The following GABRG1 variants were observed in gnomAD, a reference collection of about 807,000 sequenced individuals.
GABRG1 encodes gamma-aminobutyric acid type A receptor subunit gamma1, also known as gamma-aminobutyric acid receptor subunit gamma-1.
GABRG1 carries 49 observed loss-of-function variants against 49.8 expected under a neutral mutation model. The ratio of observed to expected loss-of-function variants is 0.98; its 90% CI spans 0.78 to 1.25. GABRG1 has a LOEUF of 1.25. Among genes scored for constraint, GABRG1 ranks in the 50% most tolerant of loss-of-function variants. GABRG1 has a pLI of 0.00. For missense variants in GABRG1, 552 were observed against 552.3 expected (o/e 1.00, Z 0.01); for synonymous variants, 232 against 185.1 (o/e 1.25, Z -2.06).
intron 3 of GABRG1, among the ~76,000 whole-genome samples, chr4:46,074,137 G>A (rs1409265140): frequency 6.6e-6 from 1 of 152,154 alleles, no homozygotes; most frequent in Admixed American, 6.6e-5. Context: ...TGCAACATTT[G>A]TTATAGATTG....
chr4:46,041,753 T>C (rs1017287138), intron 8 of GABRG1, among the ~76,000 whole-genome samples: 5 of 151,960 alleles, frequency 3.3e-5, no homozygotes, highest in Admixed American at 3.3e-4. Context: ...AGGCACCATA[T>C]TTGGGAAAGA....
chr4:46,040,501 C>T lies in GABRG1; in HGVS notation c.*487G>A, dbSNP rs183017448. ...GGAAGAAAATCCAAGAAAACTATGGCTTTATGTTATCAACTAACTGTATTT... is the reference window on the plus strand; with the variant it reads ...GGAAGAAAATCCAAGAAAACTATGGTTTTATGTTATCAACTAACTGTATTT... On this transcript the variant is annotated 3_prime_UTR_variant, in exon 9 of 9. Coordinates refer to ENST00000295452, the MANE Select transcript of GABRG1 (RefSeq NM_173536.4). 5.7e-4 allele frequency: 87 copies of T among 152,478 alleles called. No individual in the cohort carries two copies. Among genetic ancestry groups the T allele is most frequent in the South Asian group, 1.0e-3 (5 of 4,830 alleles). The allele number at this position is 152,478 out of a possible 1,614,324, so 9.4% of individuals were successfully genotyped here.
rs1250139452 is a variant in GABRG1, at chr4:46,106,626, T to G, written c.105-9277A>C. Among the ~76,000 whole-genome samples the G allele has an allele frequency of 2.6e-5, 4 of 151,460 alleles. No individual in the cohort carries two copies. The East Asian group carries it at 7.8e-4, about 30-fold the overall frequency. ...AATGCTTGGTTCTACTCTGCTCAACTGAATTAAGCTCAGGATGGATAATAT... is the reference window on the plus strand; with the variant it reads ...AATGCTTGGTTCTACTCTGCTCAACGGAATTAAGCTCAGGATGGATAATAT... On this transcript the variant is annotated intron_variant, in intron 1 of 8. Coordinates refer to ENST00000295452, the MANE Select transcript of GABRG1 (RefSeq NM_173536.4).
At chr4:46,071,482 T>C (rs1321697014) in intron 3 of GABRG1, among the ~76,000 whole-genome samples, 1 of 150,186 alleles carries the variant, frequency 6.7e-6, no homozygotes, top group African/African-American at 2.4e-5. Context: ...TATTTATGTA[T>C]TTGTATACAA....
intron 3 of GABRG1, among the ~76,000 whole-genome samples, chr4:46,080,159 C>T (rs1719511006): frequency 6.6e-6 from 1 of 151,632 alleles, no homozygotes; most frequent in Admixed American, 6.6e-5. Context: ...TAAAAAGAAA[C>T]ACCCATTTTG....
At chr4:46,089,813 A>C (rs1202618720) in intron 2 of GABRG1, among the ~76,000 whole-genome samples, 1 of 151,866 alleles carries the variant, frequency 6.6e-6, no homozygotes, top group Non-Finnish European at 1.5e-5. Context: ...AAATACAGCA[A>C]TTAGCTGTGC....
At chr4:46,117,767 T>C (rs1339915268) in intron 1 of GABRG1, among the ~76,000 whole-genome samples, 1 of 141,434 alleles carries the variant, frequency 7.1e-6, no homozygotes, top group African/African-American at 2.6e-5. Flanking sequence ...TATATACATA[T>C]ACATATATAC....
chr4:46,098,205 G>A (rs1577663089), intron 1 of GABRG1, among the ~76,000 whole-genome samples: 1 of 151,638 alleles, frequency 6.6e-6, no homozygotes, highest in Non-Finnish European at 1.5e-5. Context: ...CTTCTGAATT[G>A]TGATAGAAAC....
intron 1 of GABRG1, among the ~76,000 whole-genome samples, chr4:46,103,047 C>T (rs1369738035): frequency 6.6e-6 from 1 of 151,518 alleles, no homozygotes; most frequent in Non-Finnish European, 1.5e-5. Flanking sequence ...ACAAAATGGC[C>T]TACTTTGGAT....
At chr4:46,066,657 A>G (rs978034731) in intron 3 of GABRG1, among the ~76,000 whole-genome samples, 1 of 152,120 alleles carries the variant, frequency 6.6e-6, no homozygotes, top group African/African-American at 2.4e-5. Flanking sequence ...GCCTTTGTCC[A>G]TAGTAACTGT....
At chr4:46,041,432 C>T (rs1296667395) in intron 8 of GABRG1, among the ~76,000 whole-genome samples, 178 bp from the exon 9 acceptor site, 1 of 151,688 alleles carries the variant, frequency 6.6e-6, no homozygotes, top group East Asian at 1.9e-4. Context: ...TGTAATAGAA[C>T]ATTTGTTACA....
intron 1 of GABRG1, among the ~76,000 whole-genome samples, chr4:46,112,402 C>A (rs1216364454): frequency 2.0e-5 from 3 of 151,350 alleles, no homozygotes; most frequent in African/African-American, 7.3e-5. Context: ...CAAAATAGTT[C>A]TGCCAATGTG....
intron 1 of GABRG1, among the ~76,000 whole-genome samples, chr4:46,111,044 G>C (rs28820956): frequency 0.051 from 7,748 of 151,012 alleles, 662 homozygotes; most frequent in African/African-American, 0.18. Flanking sequence ...AACAGAAAAA[G>C]AAGAAATCAA....
In GABRG1 at chr4:46,035,912, G is replaced by C. The variant is rs531698618; in HGVS notation, c.*5076C>G. 3 of 151,766 alleles carry C rather than the reference G, an allele frequency of 2.0e-5. No individual in the cohort carries two copies. Among genetic ancestry groups the C allele is most frequent in the South Asian group, 2.1e-4 (1 of 4,822 alleles). 9.4% of individuals were successfully genotyped at this position (151,766 alleles called of 1,614,324 possible). The stretch of plus-strand genomic sequence containing the variant: ...TCCTCAAAACAATGAGGCAGTAGCA[G>C]AATAACAGAAGCCATTATAATCACA... On this transcript the variant is annotated 3_prime_UTR_variant, in exon 9 of 9. Transcript: ENST00000295452.
intron 2 of GABRG1, among the ~76,000 whole-genome samples, chr4:46,094,155 A>G (rs1045464994): frequency 1.3e-5 from 2 of 151,860 alleles, no homozygotes; most frequent in South Asian, 2.1e-4. Flanking sequence ...CTGTGTCTTC[A>G]TCTCCCAATA....
rs745922740 is a variant in GABRG1 at position 46,058,274 on chromosome 4, GAAC to G, written c.856_858del (p.Val286del). On this transcript the variant is annotated inframe_deletion, in exon 7 of 9. Transcript: ENST00000295452. ...TTGATCCAAAAAGACACCCAAGAAA[GAAC>G]AACTGTCAGAATGCATGGAATGTAG... is the stretch of plus-strand genomic sequence containing the variant. 7 of 1,613,216 alleles carry G rather than the reference GAAC, an allele frequency of 4.3e-6. No individual in the cohort carries two copies. The highest frequency in any genetic ancestry group is 5.9e-6 in the Non-Finnish European group (7 of 1,179,544).
intron 1 of GABRG1, among the ~76,000 whole-genome samples, chr4:46,105,083 G>A (rs1172524966): frequency 6.6e-6 from 1 of 151,378 alleles, no homozygotes; most frequent in African/African-American, 2.4e-5. Flanking sequence ...GTAGCAAGGA[G>A]ATAGAAAACC....
At chr4:46,121,615 A>G (rs1324608189) in intron 1 of GABRG1, among the ~76,000 whole-genome samples, 1 of 152,046 alleles carries the variant, frequency 6.6e-6, no homozygotes, top group African/African-American at 2.4e-5. Flanking sequence ...TTCAATGAAG[A>G]AAACAGTATA....
chr4:46,111,084 T>C (rs959523126), intron 1 of GABRG1, among the ~76,000 whole-genome samples: 2 of 151,062 alleles, frequency 1.3e-5, no homozygotes, highest in Non-Finnish European at 3.0e-5. Context: ...TGTGTGATTC[T>C]ATACCAGGAA....
Sources: allele counts gnomAD v4.1 joint callset (sites outside exome capture counted in the v4.1 genomes callset), GRCh38; gene constraint gnomAD v4.1.1; transcripts MANE v1.5; gene names NCBI Gene and HGNC (gene_info 2026-07-23, HGNC 2026-07-21).